MAGI3: variants seen among roughly 807,000 people sequenced by gnomAD.
MAGI3 encodes membrane associated guanylate kinase, WW and PDZ domain containing 3.
In MAGI3, 43 loss-of-function variants were observed where a neutral mutation model predicts 121.8. The ratio of observed to expected loss-of-function variants is 0.35; its 90% CI spans 0.28 to 0.46. The LOEUF (loss-of-function observed/expected upper bound fraction) is 0.46. MAGI3 is among the 20% of genes least tolerant of loss of function. The probability of loss-of-function intolerance (pLI) is 1.00; values close to 1 mark genes in which losing one functional copy is unlikely to be tolerated. For synonymous variants in MAGI3, 553 were observed against 639.3 expected (o/e 0.86, Z 2.04); for missense variants, 1,547 against 1,797.3 (o/e 0.86, Z 2.52).
intron 1 of MAGI3, among the ~76,000 whole-genome samples, chr1:113,504,464 G>A (rs1244498396): frequency 1.3e-5 from 2 of 152,004 alleles, no homozygotes; most frequent in African/African-American, 4.8e-5. Flanking sequence ...AAGATGCTCA[G>A]ACTTATTAAC....
At chr1:113,455,369 G>C (rs1654697975) in intron 1 of MAGI3, among the ~76,000 whole-genome samples, 1 of 152,048 alleles carries the variant, frequency 6.6e-6, no homozygotes, top group African/African-American at 2.4e-5. Flanking sequence ...ATCAGCTAGA[G>C]AAATAGAAGA....
At chr1:113,448,447 G>A (rs1408695482) in intron 1 of MAGI3, among the ~76,000 whole-genome samples, 2 of 152,174 alleles carry the variant, frequency 1.3e-5, no homozygotes, top group Non-Finnish European at 2.9e-5. Context: ...TATAAGAGCA[G>A]AATTGTCAGA....
rs141942204 is a variant in MAGI3, at chr1:113,436,304, C to A, written c.316+44955C>A. ...AATAATGTAATTGCCTTCTCTCTCTCTCTATATATATATTTTGTATATAGA... is the reference window on the plus strand; with the variant it reads ...AATAATGTAATTGCCTTCTCTCTCTATCTATATATATATTTTGTATATAGA... On this transcript the variant is annotated intron_variant, in intron 1 of 20. Coordinates refer to ENST00000307546, the MANE Select transcript of MAGI3 (RefSeq NM_001142782.2). Among the ~76,000 whole-genome samples the A allele has an allele frequency of 4.2e-4, 64 of 152,090 alleles. 1 individual carries two copies. In the East Asian group the frequency reaches 8.1e-3, roughly 19 times the overall value.
At chr1:113,513,901 G>C (rs1657748631) in intron 1 of MAGI3, among the ~76,000 whole-genome samples, 3 of 152,114 alleles carry the variant, frequency 2.0e-5, no homozygotes, top group East Asian at 1.9e-4. Flanking sequence ...CTAATATCCA[G>C]AATCTACAAT....
chr1:113,593,788 A>G (rs923681754), intron 5 of MAGI3, among the ~76,000 whole-genome samples: 5 of 152,160 alleles, frequency 3.3e-5, no homozygotes, highest in Non-Finnish European at 7.3e-5. Context: ...CTCTAAAGTC[A>G]TCTTTGGCCT....
intron 9 of MAGI3, among the ~76,000 whole-genome samples, chr1:113,639,423 C>A (rs1226597912): frequency 2.0e-5 from 3 of 152,196 alleles, no homozygotes; most frequent in African/African-American, 7.2e-5. Flanking sequence ...TTGTTTGAGA[C>A]CAAATCTCAC....
rs376993012 is a variant in MAGI3 at position 113,416,112 on chromosome 1, T to C, written c.316+24763T>C. Among the ~76,000 whole-genome samples the C allele has an allele frequency of 0.016, 1,675 of 106,360 alleles. 28 individuals are homozygous for C. In the East Asian group the frequency reaches 0.18, roughly 12 times the overall value. The allele number at this position is 106,360 out of a possible 152,430, so 69.8% of individuals were successfully genotyped here. A position where few individuals can be genotyped will look rare whatever the true frequency, so the allele number is the denominator to read the frequency against. Reference sequence around the variant, plus strand: ...TAATTATGTAATTAATGACACATATTAATTATGTAATTAATGACACATATT... The same window carrying C: ...TAATTATGTAATTAATGACACATATCAATTATGTAATTAATGACACATATT... On this transcript the variant is annotated intron_variant, in intron 1 of 20. Transcript: ENST00000307546.
chr1:113,429,330 G>A (rs551112343), intron 1 of MAGI3, among the ~76,000 whole-genome samples: 3 of 152,240 alleles, frequency 2.0e-5, no homozygotes, highest in African/African-American at 7.2e-5. Flanking sequence ...ACAAAGAATT[G>A]GACAAAATGC....
At chr1:113,427,085 G>T (rs1466841725) in intron 1 of MAGI3, among the ~76,000 whole-genome samples, 1 of 152,096 alleles carries the variant, frequency 6.6e-6, no homozygotes, top group Non-Finnish European at 1.5e-5. Context: ...GCCACATTTT[G>T]TGGGCTGTGA....
chr1:113,451,617 A>G (rs1654489796), intron 1 of MAGI3, among the ~76,000 whole-genome samples: 1 of 152,142 alleles, frequency 6.6e-6, no homozygotes, highest in African/African-American at 2.4e-5. Context: ...ATAGACATCA[A>G]TTAAGGAGGG....
At chr1:113,582,691 A>G (rs1007153396) in intron 3 of MAGI3, among the ~76,000 whole-genome samples, 3 of 152,060 alleles carry the variant, frequency 2.0e-5, no homozygotes, top group Non-Finnish European at 4.4e-5. Context: ...GGAAAGACAC[A>G]TATCAACTTC....
At chr1:113,444,118 A>G (rs1240214543) in intron 1 of MAGI3, among the ~76,000 whole-genome samples, 1 of 152,246 alleles carries the variant, frequency 6.6e-6, no homozygotes, top group Non-Finnish European at 1.5e-5. Flanking sequence ...AGCTCTTCGC[A>G]TGGTAGCAGC....
intron 9 of MAGI3, among the ~76,000 whole-genome samples, chr1:113,632,719 T>C (rs1651710976): frequency 6.6e-6 from 1 of 152,208 alleles, no homozygotes; most frequent in Admixed American, 6.5e-5. Flanking sequence ...TTGTTGCTTG[T>C]TTCACCTTTT....
Position 113,590,492 on chromosome 1 carries a change from G to C in MAGI3, c.772G>C (p.Glu258Gln). Residue 258 changes from glutamate to glutamine, a missense_variant, in exon 5 of 21, where the codon GAG becomes CAG. Transcript: ENST00000307546. ...INGSGNAENR[E>Q]RHSESSDWMK... ...GTTTTGAACAATGGCAGAAAACAGAGAGAGGCATTCTGAGTCATCTGACTG... is the reference window on the plus strand; with the variant it reads ...GTTTTGAACAATGGCAGAAAACAGACAGAGGCATTCTGAGTCATCTGACTG... The C allele has an allele frequency of 6.2e-7, 1 of 1,613,582 alleles. No homozygotes were observed. Among genetic ancestry groups the C allele is most frequent in the Non-Finnish European group, 8.5e-7 (1 of 1,179,632 alleles).
intron 2 of MAGI3, among the ~76,000 whole-genome samples, chr1:113,558,121 A>C (rs1351530957): frequency 6.6e-6 from 1 of 152,334 alleles, no homozygotes; most frequent in East Asian, 1.9e-4. Flanking sequence ...AATGCAAAAA[A>C]AGCTGAAAAC....
intron 19 of MAGI3, 62 bp downstream of exon 19, chr1:113,673,527 T>C: frequency 1.3e-6 from 2 of 1,525,234 alleles, no homozygotes; most frequent in South Asian, 2.4e-5. Flanking sequence ...TCGAAAGATA[T>C]TAATAATTGA....
At chr1:113,577,345 A>G (rs1647714146) in intron 2 of MAGI3, among the ~76,000 whole-genome samples, 1 of 152,074 alleles carries the variant, frequency 6.6e-6, no homozygotes, top group Non-Finnish European at 1.5e-5. Flanking sequence ...GTCTCAGTGA[A>G]TGGTTGGGGA....
chr1:113,483,140 G>A (rs778847778), intron 1 of MAGI3, among the ~76,000 whole-genome samples: 21 of 152,116 alleles, frequency 1.4e-4, no homozygotes, highest in Non-Finnish European at 2.9e-4. Flanking sequence ...AAAGATTACT[G>A]GAAAATTTGA....
At chr1:113,428,969 G>A (rs1009595024) in intron 1 of MAGI3, among the ~76,000 whole-genome samples, 1 of 152,036 alleles carries the variant, frequency 6.6e-6, no homozygotes, top group Non-Finnish European at 1.5e-5. Flanking sequence ...TACATTTTAG[G>A]TGCTCAGCAC....
Sources: gnomAD v4.1 joint callset for allele counts (sites outside exome capture counted in the v4.1 genomes callset) on GRCh38, gnomAD v4.1.1 for gene constraint, MANE v1.5 for transcripts, NCBI Gene and HGNC (gene_info 2026-07-23, HGNC 2026-07-21) for gene names.